SEC24A: variants seen among roughly 807,000 people sequenced by gnomAD.
SEC24A encodes SEC24 homolog A, COPII component, also known as protein transport protein Sec24A.
In SEC24A, 93 loss-of-function variants were observed where a neutral mutation model predicts 129.4. The observed-to-expected ratio is 0.72, with a 90% CI of 0.61 to 0.85. SEC24A has a LOEUF of 0.85. Ranked by LOEUF, SEC24A falls within the 40% of genes least tolerant of loss-of-function variation. SEC24A has a pLI of 0.00. For synonymous variants in SEC24A, 460 were observed against 467.3 expected, an observed-to-expected ratio of 0.98 and a Z score of 0.20; for missense variants, 1,264 against 1,307.4, an observed-to-expected ratio of 0.97 and a Z score of 0.51.
chr5:134,709,823 A>G (rs1432060560), intron 18 of SEC24A, among the ~76,000 whole-genome samples: 2 of 152,004 alleles, frequency 1.3e-5, no homozygotes, highest in Admixed American at 6.6e-5. Context: ...TTTAAAAAGA[A>G]GAGACCATAC....
At chr5:134,720,802 C>A in intron 20 of SEC24A, among the ~76,000 whole-genome samples, 196 bp from the exon 21 acceptor site, 1 of 152,052 alleles carries the variant, frequency 6.6e-6, no homozygotes, top group Non-Finnish European at 1.5e-5. Flanking sequence ...ACTCTGGAGG[C>A]TGAGGTGGGA....
At chr5:134,652,749 A>G (rs28884003) in intron 1 of SEC24A, among the ~76,000 whole-genome samples, 1 of 151,642 alleles carries the variant, frequency 6.6e-6, no homozygotes, top group Non-Finnish European at 1.5e-5. Context: ...AGCACATGCC[A>G]CCATGCCTGG....
At chr5:134,711,768 G>A (rs1752332836) in intron 18 of SEC24A, among the ~76,000 whole-genome samples, 1 of 145,518 alleles carries the variant, frequency 6.9e-6, no homozygotes, top group Admixed American at 6.8e-5. Context: ...TTTTTTTTGA[G>A]ATGGAGTCTC....
chr5:134,664,669 T>C (rs755464595), intron 2 of SEC24A, among the ~76,000 whole-genome samples: 1 of 152,142 alleles, frequency 6.6e-6, no homozygotes, highest in Non-Finnish European at 1.5e-5. Context: ...GCCATAGATA[T>C]GTGTGACCAC....
chr5:134,713,497 A>G (rs1752389855), intron 18 of SEC24A, among the ~76,000 whole-genome samples: 1 of 151,992 alleles, frequency 6.6e-6, no homozygotes, highest in Non-Finnish European at 1.5e-5. Flanking sequence ...GAGGACAAGG[A>G]TTTTTATCTT....
chr5:134,671,987 C>T, intron 4 of SEC24A, 101 bp downstream of exon 4: 6 of 726,166 alleles, frequency 8.3e-6, no homozygotes, highest in Non-Finnish European at 1.4e-5. Flanking sequence ...AGGGAAACTT[C>T]ATAATCATGT....
chr5:134,665,585 T>A (rs1187139021), intron 2 of SEC24A, among the ~76,000 whole-genome samples: 1 of 152,056 alleles, frequency 6.6e-6, no homozygotes, highest in Non-Finnish European at 1.5e-5. Context: ...AGACAGAGTC[T>A]CGCTCTTGTT....
In SEC24A at chr5:134,723,644, A is replaced by G. The variant is rs143698448; in HGVS notation, c.3141A>G (p.Pro1047=). The change falls in exon 22 of 23, where the codon CCA becomes CCG. Residue 1047 remains proline, a synonymous_variant. Transcript: ENST00000398844. ...TCTCTTGGCTTAGAGAGCAGAGACC[A>G]TTTTTCCCAATACTTTATGTAATAA... is the stretch of plus-strand genomic sequence containing the variant. ...AFISWLREQR[P]FFPILYVIRD... 3.7e-3 allele frequency: 5,992 copies of G among 1,606,070 alleles called. 13 individuals are homozygous for G. Among genetic ancestry groups the G allele is most frequent in the Non-Finnish European group, 4.7e-3 (5,563 of 1,172,950 alleles).
intron 6 of SEC24A, 32 bp downstream of exon 6, chr5:134,675,249 C>A: frequency 6.5e-7 from 1 of 1,548,124 alleles, no homozygotes. Flanking sequence ...TATGCATGTC[C>A]GAAAAGTTTT....
rs774481431 is a variant in SEC24A at position 134,693,772 on chromosome 5, A to G, written c.1825A>G (p.Thr609Ala). The change falls in exon 13 of 23, where the codon ACT (threonine) becomes GCT (alanine). Residue 609 changes from threonine (T) to alanine (A), a missense_variant. Physicochemically the swap from Thr to Ala is moderately conservative, Grantham distance 58 (BLOSUM62 0). Transcript: ENST00000398844. ...AACTTTGCCACAAATGTTTACCAAG[A>G]CTCTGGAGACCCAGAGTGCCTTGGG... ...LKTLPQMFTK[T>A]LETQSALGPA... 6 of 1,614,006 alleles carry G rather than the reference A, an allele frequency of 3.7e-6. No individual in the cohort carries two copies. The African/African-American group carries it at 6.7e-5, about 18-fold the overall frequency.
chr5:134,716,057 C>A (rs1161577334), intron 19 of SEC24A, among the ~76,000 whole-genome samples: 1 of 152,018 alleles, frequency 6.6e-6, no homozygotes, highest in Non-Finnish European at 1.5e-5. Flanking sequence ...CATTGTTTTC[C>A]TTTGGTAGAA....
At chr5:134,720,523 A>G (rs1340802087) in intron 20 of SEC24A, among the ~76,000 whole-genome samples, 3 of 152,336 alleles carry the variant, frequency 2.0e-5, no homozygotes, top group East Asian at 3.9e-4. Flanking sequence ...CAAGCATAAA[A>G]TGTCTCATCA....
chr5:134,693,979 A>C (rs779066996), intron 13 of SEC24A, 46 bp downstream of exon 13: 3 of 1,502,682 alleles, frequency 2.0e-6, no homozygotes, highest in Admixed American at 1.7e-5. Context: ...CTGGTGTTCC[A>C]TCCCTGTGAC....
rs1490231819 is a variant in SEC24A, at chr5:134,693,728, T to G, written c.1781T>G (p.Leu594Arg). 6.2e-7 allele frequency: 1 copy of G among 1,612,586 alleles called. No homozygotes were observed. ...AGTTTTCTTGCTTTGTTTTACAAGC[T>G]CGTGCAAGATTTACTGAAAACTTTG... Reference protein sequence around the residue: ...LLVNLNESKELVQDLLKTLPQ... With the variant: ...LLVNLNESKERVQDLLKTLPQ... Residue 594 changes from leucine to arginine, a missense_variant and splice_region_variant, in exon 13 of 23, where the codon CTC becomes CGC. By Grantham distance (102) the Leu-to-Arg change is moderately radical (BLOSUM62 -2). Transcript: ENST00000398844.
Position 134,688,283 on chromosome 5 carries a change from A to G in SEC24A, c.1707A>G (p.Ile569Met). ...QESLSQPQMLIVSDIEDVFIP... is the reference protein window; with the variant it reads ...QESLSQPQMLMVSDIEDVFIP... ...GTCTCTCTCAACCTCAGATGCTAAT[A>G]GTTTCAGATATTGAAGGTATAGATT... is the stretch of plus-strand genomic sequence containing the variant. The change falls in exon 11 of 23, where the codon ATA (isoleucine) becomes ATG (methionine). Residue 569 changes from isoleucine to methionine, a missense_variant. Physicochemically the swap from Ile to Met is conservative, Grantham distance 10. Transcript: ENST00000398844. The G allele has an allele frequency of 1.3e-6, 2 of 1,563,974 alleles. No individual in the cohort carries two copies. The highest frequency in any genetic ancestry group is 1.8e-6 in the Non-Finnish European group (2 of 1,134,718).
intron 17 of SEC24A, among the ~76,000 whole-genome samples, chr5:134,706,014 A>C (rs749715535): frequency 6.6e-6 from 1 of 151,590 alleles, no homozygotes; most frequent in African/African-American, 2.4e-5. Context: ...CAGCGTCCCG[A>C]GTAGCTGGGA....
intron 12 of SEC24A, chr5:134,693,114 ATG>A: frequency 6.5e-7 from 1 of 1,535,756 alleles, no homozygotes; most frequent in Non-Finnish European, 8.7e-7. Context: ...GGTGAACAGA[ATG>A]TGTCTGAAGG....
chr5:134,661,018 T>C (rs1264637960), intron 1 of SEC24A, 101 bp from the exon 2 acceptor site: 4 of 828,250 alleles, frequency 4.8e-6, no homozygotes, highest in African/African-American at 1.7e-5. Context: ...AATTGAGTTA[T>C]GTGTTTTTAT....
At chr5:134,662,796 T>C (rs1750519077) in intron 2 of SEC24A, among the ~76,000 whole-genome samples, 1 of 152,152 alleles carries the variant, frequency 6.6e-6, no homozygotes, top group Admixed American at 6.6e-5. Context: ...TCTAATTCAT[T>C]TGATACCATG....
Sources: allele counts gnomAD v4.1 joint callset (sites outside exome capture counted in the v4.1 genomes callset), GRCh38; gene constraint gnomAD v4.1.1; transcripts MANE v1.5; gene names NCBI Gene and HGNC (gene_info 2026-07-23, HGNC 2026-07-21).